TCF7: variants seen among roughly 807,000 people sequenced by gnomAD.
The protein encoded by TCF7 is transcription factor 7, also known as T-cell-factor-7.
Under a neutral mutation model 46.8 loss-of-function variants are expected in TCF7, and 19 were observed. That is an observed-to-expected ratio of 0.41 (90% CI 0.28 to 0.60). The LOEUF (loss-of-function observed/expected upper bound fraction) is 0.60, where lower values mean the gene tolerates loss of function less well. TCF7 is among the 20% of genes least tolerant of loss of function. The pLI, the probability that TCF7 is intolerant of heterozygous loss-of-function variation, is 0.35. For synonymous variants in TCF7, 245 were observed against 213.4 expected (o/e 1.15, Z -1.29); for missense variants, 547 against 504.6 (o/e 1.08, Z -0.81).
rs1760869807 is a variant in TCF7 at position 134,147,723 on chromosome 5, C to CCCA, written c.*1421_*1423dup. On this transcript the variant is annotated 3_prime_UTR_variant, in exon 10 of 10. Transcript: ENST00000342854. ...AGGCGCGGTGGCTCACGCCTGTAATCCCAGCACTTTGGCAGGCCGAGGCAG... is the reference window on the plus strand; with the variant it reads ...AGGCGCGGTGGCTCACGCCTGTAATCCCACCAGCACTTTGGCAGGCCGAGGCAG... 1 of 152,272 alleles carries CCCA rather than the reference C, an allele frequency of 6.6e-6. No individual in the cohort carries two copies. Among genetic ancestry groups the CCCA allele is most frequent in the Non-Finnish European group, 1.5e-5 (1 of 68,050 alleles). The allele number at this position is 152,272 out of a possible 1,614,324, so 9.4% of individuals were successfully genotyped here.
chr5:134,122,195 G>A (rs1221333950), intron 3 of TCF7, among the ~76,000 whole-genome samples: 2 of 152,162 alleles, frequency 1.3e-5, no homozygotes, highest in African/African-American at 2.4e-5. Context: ...CCTGGTTAGA[G>A]CCAGGCTTCC....
chr5:134,117,435 A>G (rs1755975905), intron 3 of TCF7, among the ~76,000 whole-genome samples: 1 of 152,240 alleles, frequency 6.6e-6, no homozygotes, highest in Non-Finnish European at 1.5e-5. Flanking sequence ...CAAACTTCCA[A>G]CAGGTGTGCC....
chr5:134,115,932 A>G lies in TCF7; in HGVS notation c.340A>G (p.Ser114Gly). The G allele has an allele frequency of 6.2e-7, 1 of 1,613,964 alleles. No individual in the cohort carries two copies. The highest frequency in any genetic ancestry group is 1.3e-5 in the African/African-American group (1 of 75,048). ...AGGCCTGAAGGCCCCGGAGTGCACCAGCGGCATGTACAAAGAGACCGTCTA... is the reference window on the plus strand; with the variant it reads ...AGGCCTGAAGGCCCCGGAGTGCACCGGCGGCATGTACAAAGAGACCGTCTA... ...EDGLKAPECTSGMYKETVYSA... is the reference protein window; with the variant it reads ...EDGLKAPECTGGMYKETVYSA... The change falls in exon 3 of 10, where the codon AGC (serine) becomes GGC (glycine). Residue 114 changes from serine to glycine, a missense_variant. Ser to Gly is a moderately conservative substitution (Grantham distance 56, BLOSUM62 0). This residue lies in a region of TCF7 where 425 missense variants were observed against 349.9 expected (regional missense o/e 1.21). Coordinates refer to ENST00000342854, the MANE Select transcript of TCF7 (RefSeq NM_003202.5).
chr5:134,146,143 G>A, intron 9 of TCF7, 81 bp from the exon 10 acceptor site: 4 of 1,613,440 alleles, frequency 2.5e-6, no homozygotes, highest in Non-Finnish European at 3.4e-6. Context: ...CCAGGCCTGT[G>A]CAAAGGCAGC....
intron 4 of TCF7, chr5:134,138,494 A>C: frequency 3.2e-6 from 1 of 314,814 alleles, no homozygotes. Context: ...GGTGGTTGTG[A>C]TGGCTGATTC....
At chr5:134,115,183 C>T (rs1755625727) in intron 1 of TCF7, 28 bp downstream of exon 1, 1 of 1,068,942 alleles carries the variant, frequency 9.4e-7, no homozygotes, top group Non-Finnish European at 1.1e-6. Context: ...CCGGCTCCTC[C>T]CCCGCGGTCG....
chr5:134,118,546 C>T (rs956417233), intron 3 of TCF7, among the ~76,000 whole-genome samples: 2 of 152,156 alleles, frequency 1.3e-5, no homozygotes, highest in Middle Eastern at 3.2e-3. Flanking sequence ...CGAACCTTGC[C>T]CGGAGCAATA....
chr5:134,125,631 G>C (rs1215589007), intron 3 of TCF7, among the ~76,000 whole-genome samples: 1 of 152,254 alleles, frequency 6.6e-6, no homozygotes, highest in Non-Finnish European at 1.5e-5. Flanking sequence ...TGCCTGGAAT[G>C]CTGGTAGGAA....
chr5:134,124,659 T>C (rs1284918218), intron 3 of TCF7, among the ~76,000 whole-genome samples: 1 of 151,626 alleles, frequency 6.6e-6, no homozygotes. Flanking sequence ...ATAAGCTTCC[T>C]CCTAACCCCC....
intron 3 of TCF7, 21 bp from the exon 4 acceptor site, chr5:134,138,038 A>T: frequency 6.5e-7 from 1 of 1,533,152 alleles, no homozygotes; most frequent in Non-Finnish European, 9.0e-7. Flanking sequence ...ACACTCACCC[A>T]CCCTCCTTCT....
At chr5:134,121,947 T>G (rs564538638) in intron 3 of TCF7, among the ~76,000 whole-genome samples, 6 of 152,216 alleles carry the variant, frequency 3.9e-5, no homozygotes, top group Non-Finnish European at 7.3e-5. Flanking sequence ...ACAGCTGATA[T>G]GGAGTTCTGC....
At chr5:134,113,684 C>A (rs1755412723), upstream of TCF7, among the ~76,000 whole-genome samples, 8 of 152,400 alleles carry the variant, frequency 5.2e-5, no homozygotes, top group South Asian at 1.7e-3. Flanking sequence ...CCAGGCCAAG[C>A]GCGCCGTGGA....
intron 3 of TCF7, among the ~76,000 whole-genome samples, chr5:134,116,780 T>C (rs1260127197): frequency 3.9e-5 from 6 of 152,282 alleles, no homozygotes; most frequent in African/African-American, 1.4e-4. Flanking sequence ...AAGAGCCTAT[T>C]CTGAGTGTTT....
At chr5:134,123,823 C>T in intron 3 of TCF7, 2 of 456,214 alleles carry the variant, frequency 4.4e-6, no homozygotes, top group South Asian at 3.1e-5. Flanking sequence ...GCGGGGAGAG[C>T]CAGCTGCTGG....
At chr5:134,117,081 T>C (rs1047700289) in intron 3 of TCF7, among the ~76,000 whole-genome samples, 3 of 152,276 alleles carry the variant, frequency 2.0e-5, no homozygotes, top group Non-Finnish European at 2.9e-5. Flanking sequence ...AGAAGACATA[T>C]AGGCTTCTTT....
chr5:134,143,858 G>A (rs1335926432), intron 9 of TCF7: 2 of 571,134 alleles, frequency 3.5e-6, no homozygotes, highest in Non-Finnish European at 6.2e-6. Context: ...ACTGGCTTCT[G>A]CTGGGTAGAA....
intron 8 of TCF7, 124 bp downstream of exon 8, chr5:134,143,224 G>A (rs894771647): frequency 1.5e-5 from 17 of 1,102,806 alleles, no homozygotes; most frequent in African/African-American, 9.2e-5. Flanking sequence ...GGAAGGGCAC[G>A]GAGGGTCCAA....
intron 9 of TCF7, chr5:134,144,899 T>G (rs747400344): frequency 6.2e-7 from 1 of 1,602,050 alleles, no homozygotes; most frequent in East Asian, 2.2e-5. Flanking sequence ...CGTTCTCCCT[T>G]TGCTTTAAGC....
the TCF7 span, among the ~76,000 whole-genome samples, chr5:134,109,025 C>A: frequency 6.6e-6 from 1 of 152,212 alleles, no homozygotes; most frequent in South Asian, 2.1e-4. Context: ...GCTCCCAGAG[C>A]CTCTTTAGCG....
Sources: gnomAD v4.1 joint callset for allele counts (sites outside exome capture counted in the v4.1 genomes callset) on GRCh38, gnomAD v4.1.1 for gene constraint, gnomAD v4.1.1 regional missense constraint, MANE v1.5 for transcripts, NCBI Gene and HGNC (gene_info 2026-07-23, HGNC 2026-07-21) for gene names.